The following DOT1L variants were observed in gnomAD, a reference collection of about 807,000 sequenced individuals.
The protein encoded by DOT1L is DOT1 like histone lysine methyltransferase.
Under a neutral mutation model 153.3 loss-of-function variants are expected in DOT1L, and 33 were observed. That is an observed-to-expected ratio of 0.22 (90% CI 0.16 to 0.29). DOT1L has a LOEUF of 0.29. Among genes scored for constraint, DOT1L ranks in the 10% least tolerant of loss-of-function variants. DOT1L has a pLI of 1.00. For synonymous variants in DOT1L, 1,135 were observed against 965.1 expected (o/e 1.18, Z -3.26); for missense variants, 1,847 against 2,119.9 (o/e 0.87, Z 2.53).
Position 2,189,750 on chromosome 19 carries a change from G to T in DOT1L, c.219G>T (p.Arg73Ser). The change falls in exon 4 of 28, where the codon AGG becomes AGT. Residue 73 changes from arginine to serine, a missense_variant. Physicochemically the swap from Arg to Ser is moderately radical, Grantham distance 110 (BLOSUM62 -1). Coordinates refer to ENST00000398665, the MANE Select transcript of DOT1L (RefSeq NM_032482.3). ...YDTKSFESMQ[R>S]LCDKYNRAID... The stretch of plus-strand genomic sequence containing the variant: ...TTTTCAGCTTCGAGAGCATGCAGAG[G>T]CTCTGCGACAAGTACAACCGTGCCA... 1 of 1,611,814 alleles carries T rather than the reference G, an allele frequency of 6.2e-7. No individual in the cohort carries two copies.
In DOT1L at chr19:2,230,454, C is replaced by T. The variant is rs1194000202; in HGVS notation, c.*662C>T. On this transcript the variant is annotated 3_prime_UTR_variant, in exon 28 of 28. Transcript: ENST00000398665. ...GTTGCGCCCTTGCATGTGAAGGGGC[C>T]TGCGCGGTGACGCAGCTGGCCATGT... The T allele has an allele frequency of 3.0e-5, 12 of 399,448 alleles. No homozygotes were observed. Among genetic ancestry groups the T allele is most frequent in the Non-Finnish European group, 4.9e-5 (11 of 226,768 alleles). The allele number at this position is 399,448 out of a possible 1,614,324, so 24.7% of individuals were successfully genotyped here.
chr19:2,229,563 G>A, intron 27 of DOT1L: 1 of 985,480 alleles, frequency 1.0e-6, no homozygotes, highest in East Asian at 1.1e-4. Flanking sequence ...GAGGAAGGCT[G>A]GAGCTTGGCC....
At chr19:2,172,263 C>G (rs950686915) in intron 1 of DOT1L, among the ~76,000 whole-genome samples, 1 of 149,700 alleles carries the variant, frequency 6.7e-6, no homozygotes, top group Non-Finnish European at 1.5e-5. Flanking sequence ...GATCTCTGCT[C>G]ACTGCAAGCT....
At chr19:2,228,640 C>T in intron 27 of DOT1L, 1 of 985,392 alleles carries the variant, frequency 1.0e-6, no homozygotes, top group Non-Finnish European at 1.2e-6. Flanking sequence ...TGAGGCCAGC[C>T]CTGGGGGCAG....
Position 2,217,877 on chromosome 19 carries a change from C to A in DOT1L, c.2650C>A (p.Pro884Thr). 1 of 1,612,442 alleles carries A rather than the reference C, an allele frequency of 6.2e-7. No individual in the cohort carries two copies. The highest frequency in any genetic ancestry group is 8.5e-7 in the Non-Finnish European group (1 of 1,179,742). ...VQPNKLPVSIPLASVVLPSRA... is the reference protein window; with the variant it reads ...VQPNKLPVSITLASVVLPSRA... Reference sequence around the variant, plus strand: ...GCCCAACAAGCTCCCGGTCAGCATTCCCCTGGCCAGCGTGGTGCTGCCCAG... The same window carrying A: ...GCCCAACAAGCTCCCGGTCAGCATTACCCTGGCCAGCGTGGTGCTGCCCAG... Residue 884 changes from proline to threonine, a missense_variant, in exon 22 of 28, where the codon CCC becomes ACC. Physicochemically the swap from Pro to Thr is conservative, Grantham distance 38. Transcript: ENST00000398665. This position sits in a 1 kb window ranked among gnomAD's most constrained non-coding sequence, Gnocchi z 7.3.
intron 26 of DOT1L, among the ~76,000 whole-genome samples, chr19:2,225,834 C>G (rs2024305915): frequency 6.6e-6 from 1 of 152,158 alleles, no homozygotes; most frequent in Non-Finnish European, 1.5e-5. Context: ...GGCAGCCCCA[C>G]CTTCCCTCCC....
intron 2 of DOT1L, among the ~76,000 whole-genome samples, chr19:2,185,632 G>A (rs1483005949): frequency 6.6e-6 from 1 of 152,144 alleles, no homozygotes; most frequent in Non-Finnish European, 1.5e-5. Context: ...AGCCAGGCGT[G>A]GTGGTGGGCA....
intron 27 of DOT1L, chr19:2,228,005 C>T (rs751949253): frequency 1.1e-5 from 14 of 1,291,272 alleles, no homozygotes; most frequent in Middle Eastern, 4.3e-4. Flanking sequence ...CTCCACCTAA[C>T]GCCGCCTTGC....
In DOT1L at chr19:2,204,015, C is replaced by T. The variant is rs996280487; in HGVS notation, c.787+1236C>T. Among the ~76,000 whole-genome samples the T allele has an allele frequency of 1.3e-5, 2 of 152,234 alleles. No homozygotes were observed. The highest frequency in any genetic ancestry group is 2.9e-5 in the Non-Finnish European group (2 of 68,036). ...AACTGCGGTGGGCTCCTCAGGCCTC[C>T]CAAACAAAACCCAGAGGGTCTGCAG... is the stretch of plus-strand genomic sequence containing the variant. On this transcript the variant is annotated intron_variant, in intron 9 of 27. Coordinates refer to ENST00000398665, the MANE Select transcript of DOT1L (RefSeq NM_032482.3). The surrounding 1 kb of genome is among the most constrained non-coding windows in gnomAD (Gnocchi z 5.7).
chr19:2,172,415 T>C (rs1451785293), intron 1 of DOT1L, among the ~76,000 whole-genome samples: 1 of 151,860 alleles, frequency 6.6e-6, no homozygotes, highest in African/African-American at 2.4e-5. Flanking sequence ...GGTCTCGATC[T>C]CCTGACCTCA....
intron 22 of DOT1L, among the ~76,000 whole-genome samples, chr19:2,219,365 A>G (rs1394690561): frequency 6.6e-6 from 1 of 152,160 alleles, no homozygotes; most frequent in Non-Finnish European, 1.5e-5. Context: ...TCACCCGGGA[A>G]AAAGCGTTGC....
At chr19:2,175,165 A>AT (rs1479543688) in intron 1 of DOT1L, among the ~76,000 whole-genome samples, 1 of 151,748 alleles carries the variant, frequency 6.6e-6, no homozygotes, top group African/African-American at 2.4e-5. Flanking sequence ...CGCCCGGTTA[A>AT]TTTTTTATAT....
Position 2,163,981 on chromosome 19 carries a change from C to T in DOT1L, c.-204C>T, listed in dbSNP as rs942470034. 2.7e-5 allele frequency among the ~76,000 whole-genome samples: 4 copies of T among 149,664 alleles called. No homozygotes were observed. Among genetic ancestry groups the T allele is most frequent in the Admixed American group, 6.6e-5 (1 of 15,074 alleles). On this transcript the variant is annotated 5_prime_UTR_variant, in exon 1 of 28. Transcript: ENST00000398665. ...CAAGATGGCGGAGGCGCTGGAGGCC[C>T]CGGGCCTGTGACTACAAAGAGGGAG...
intron 1 of DOT1L, among the ~76,000 whole-genome samples, chr19:2,171,758 C>G (rs2021639944): frequency 6.6e-6 from 1 of 152,232 alleles, no homozygotes. Context: ...TCCCCGCCCA[C>G]TGTGTCCCCC....
At chr19:2,227,788 G>C in intron 27 of DOT1L, 1 of 1,314,428 alleles carries the variant, frequency 7.6e-7, no homozygotes, top group Non-Finnish European at 1.0e-6. Flanking sequence ...TTTGGAGCCC[G>C]TGTCGGCCGC....
chr19:2,203,077 A>G (rs1341331853), intron 9 of DOT1L, among the ~76,000 whole-genome samples: 1 of 151,644 alleles, frequency 6.6e-6, no homozygotes, highest in East Asian at 1.9e-4. Flanking sequence ...CTGTGCCACC[A>G]TGCTCAGCTA....
chr19:2,220,453 G>C lies in DOT1L; in HGVS notation c.2806+231G>C. On this transcript the variant is annotated intron_variant, in intron 23 of 27. Coordinates refer to ENST00000398665, the MANE Select transcript of DOT1L (RefSeq NM_032482.3). This position sits in a 1 kb window ranked among gnomAD's most constrained non-coding sequence, Gnocchi z 4.5. ...CCTCATACCTGGGTCTCCCGACACTGACACCTCCTGCTTGGGTGTATTAAT... is the reference window on the plus strand; with the variant it reads ...CCTCATACCTGGGTCTCCCGACACTCACACCTCCTGCTTGGGTGTATTAAT... 8 of 644,346 alleles carry C rather than the reference G, an allele frequency of 1.2e-5. No individual in the cohort carries two copies. The highest frequency in any genetic ancestry group is 2.0e-5 in the Non-Finnish European group (7 of 347,658). 39.9% of individuals were successfully genotyped at this position (644,346 alleles called of 1,614,324 possible). A position where few individuals can be genotyped will look rare whatever the true frequency, so the allele number is the denominator to read the frequency against.
chr19:2,220,421 A>G lies in DOT1L; in HGVS notation c.2806+199A>G, dbSNP rs1461064880. The G allele has an allele frequency of 2.9e-6, 2 of 682,764 alleles. No homozygotes were observed. The highest frequency in any genetic ancestry group is 5.6e-5 in the East Asian group (2 of 35,510). 42.3% of individuals were successfully genotyped at this position (682,764 alleles called of 1,614,324 possible). A position where few individuals can be genotyped will look rare whatever the true frequency, so the allele number is the denominator to read the frequency against. The stretch of plus-strand genomic sequence containing the variant: ...ATGCGGATCGGGCTCAGCTGCAGCC[A>G]TCTCGGCCTCATACCTGGGTCTCCC... On this transcript the variant is annotated intron_variant, in intron 23 of 27. Coordinates refer to ENST00000398665, the MANE Select transcript of DOT1L (RefSeq NM_032482.3). The surrounding 1 kb of genome is among the most constrained non-coding windows in gnomAD (Gnocchi z 4.5).
At position 2,230,639 on chromosome 19, in the gene DOT1L, A is replaced by C; in HGVS notation, c.*847A>C. ...TGTACAGGAGAGAGTCACACTAATG[A>C]GTGGCAGTATTTTATAGAGATGTGA... is the stretch of plus-strand genomic sequence containing the variant. On this transcript the variant is annotated 3_prime_UTR_variant, in exon 28 of 28. Coordinates refer to ENST00000398665, the MANE Select transcript of DOT1L (RefSeq NM_032482.3). 2.5e-6 allele frequency: 1 copy of C among 398,554 alleles called. No individual in the cohort carries two copies. The highest frequency in any genetic ancestry group is 4.4e-6 in the Non-Finnish European group (1 of 226,058). 24.7% of individuals were successfully genotyped at this position (398,554 alleles called of 1,614,324 possible).
Sources: allele counts gnomAD v4.1 joint callset (sites outside exome capture counted in the v4.1 genomes callset), GRCh38; gene constraint gnomAD v4.1.1; non-coding constraint Gnocchi (gnomAD v3.1); transcripts MANE v1.5; gene names NCBI Gene and HGNC (gene_info 2026-07-23, HGNC 2026-07-21).